The following SSH2 variants were observed in gnomAD, a reference collection of about 807,000 sequenced individuals.
SSH2 encodes protein phosphatase Slingshot homolog 2.
In SSH2, 37 loss-of-function variants were observed where a neutral mutation model predicts 135.2. The ratio of observed to expected loss-of-function variants is 0.27; its 90% CI spans 0.21 to 0.36. The LOEUF (loss-of-function observed/expected upper bound fraction) is 0.36, where lower values mean the gene tolerates loss of function less well. Ranked by LOEUF, SSH2 falls within the 10% of genes least tolerant of loss-of-function variation. The probability of loss-of-function intolerance (pLI) is 1.00; values close to 1 mark genes in which losing one functional copy is unlikely to be tolerated. For synonymous variants in SSH2, 628 were observed against 646.2 expected, an observed-to-expected ratio of 0.97 and a Z score of 0.43; for missense variants, 1,408 against 1,765.3, an observed-to-expected ratio of 0.80 and a Z score of 3.63.
chr17:29,925,505 C>T (rs538503832), intron 1 of SSH2: 60 of 398,474 alleles, frequency 1.5e-4, no homozygotes, highest in Non-Finnish European at 2.2e-4. Flanking sequence ...CCCTTGACGC[C>T]ACGAGTTCAA....
intron 3 of SSH2, among the ~76,000 whole-genome samples, chr17:29,737,610 G>A (rs1030896625): frequency 1.3e-5 from 2 of 152,292 alleles, no homozygotes; most frequent in African/African-American, 4.8e-5. Context: ...CTGCCCTTTC[G>A]TCTTCAACAA....
chr17:29,654,838 G>A (rs942330201), intron 12 of SSH2, among the ~76,000 whole-genome samples: 19 of 152,140 alleles, frequency 1.2e-4, no homozygotes, highest in African/African-American at 4.6e-4. Context: ...TCTTTAAGCA[G>A]CTTACTACAC....
chr17:29,745,253 G>A (rs2040721382), intron 3 of SSH2, among the ~76,000 whole-genome samples: 1 of 151,650 alleles, frequency 6.6e-6, no homozygotes, highest in African/African-American at 2.4e-5. Context: ...TCTGCCTCCT[G>A]GGTTCAAGCG....
intron 3 of SSH2, among the ~76,000 whole-genome samples, chr17:29,718,943 G>C (rs2039723288): frequency 6.6e-6 from 1 of 152,114 alleles, no homozygotes; most frequent in Non-Finnish European, 1.5e-5. Context: ...GGGAGAACAA[G>C]GTAGCAGAAC....
chr17:29,823,397 T>C (rs1599048546), intron 2 of SSH2, among the ~76,000 whole-genome samples: 1 of 152,176 alleles, frequency 6.6e-6, no homozygotes, highest in African/African-American at 2.4e-5. Context: ...CTTTGACCCT[T>C]GCACTGGGCT....
chr17:29,632,284 G>A lies in SSH2; in HGVS notation c.2910C>T (p.Gly970=), dbSNP rs201342995. 6.2e-7 allele frequency: 1 copy of A among 1,614,080 alleles called. No homozygotes were observed. The highest frequency in any genetic ancestry group is 8.5e-7 in the Non-Finnish European group (1 of 1,180,000). The change falls in exon 16 of 16, where the codon GGC becomes GGT. Residue 970 remains glycine (G), a synonymous_variant. Transcript: ENST00000540801. ...GKGKYSGSEA[G]SLSHSEQNAT... ...CATTCTGCTCAGAATGGGACAGTGA[G>A]CCAGCCTCAGACCCACTGTATTTCC...
At chr17:29,653,269 T>C (rs575860084) in intron 12 of SSH2, among the ~76,000 whole-genome samples, 4 of 152,354 alleles carry the variant, frequency 2.6e-5, no homozygotes, top group African/African-American at 4.8e-5. Flanking sequence ...CAGCACTATA[T>C]GTGGTTTTGT....
rs117514327 is a variant in SSH2, at chr17:29,888,587, T to G, written c.64-39658A>C. On this transcript the variant is annotated intron_variant, in intron 1 of 15. Transcript: ENST00000540801. ...GACCAAATATTTTGATGGTTTATAT[T>G]TCTACAGTATTAACAGCAACCTTAA... is the stretch of plus-strand genomic sequence containing the variant. Among the ~76,000 whole-genome samples the G allele has an allele frequency of 7.6e-3, 1,162 of 152,176 alleles. 6 individuals are homozygous for G. Among genetic ancestry groups the G allele is most frequent in the Middle Eastern group, 0.014 (4 of 294 alleles).
intron 5 of SSH2, among the ~76,000 whole-genome samples, chr17:29,686,951 A>C (rs879844360): frequency 6.6e-6 from 1 of 152,234 alleles, no homozygotes; most frequent in Non-Finnish European, 1.5e-5. Flanking sequence ...GTGGGATTAC[A>C]GGCGTGAGCC....
intron 6 of SSH2, among the ~76,000 whole-genome samples, chr17:29,680,017 A>AT (rs1345351386): frequency 6.6e-6 from 1 of 152,214 alleles, no homozygotes; most frequent in East Asian, 1.9e-4. Context: ...AGATATAGGT[A>AT]TAAAGACATA....
At chr17:29,743,226 T>C (rs1445136022) in intron 3 of SSH2, among the ~76,000 whole-genome samples, 1 of 152,206 alleles carries the variant, frequency 6.6e-6, no homozygotes, top group Non-Finnish European at 1.5e-5. Flanking sequence ...AGAAGTTCAT[T>C]TTTAAGCTGA....
At chr17:29,634,086 T>C (rs910670803) in intron 15 of SSH2, among the ~76,000 whole-genome samples, 1 of 152,240 alleles carries the variant, frequency 6.6e-6, no homozygotes, top group African/African-American at 2.4e-5. Context: ...CTGTCAGTGC[T>C]GCTACAGTCA....
chr17:29,870,580 A>G (rs1445743715), intron 1 of SSH2, among the ~76,000 whole-genome samples: 1 of 152,220 alleles, frequency 6.6e-6, no homozygotes, highest in Non-Finnish European at 1.5e-5. Context: ...TTAGCCTTTT[A>G]GCAGTAAGCA....
At position 29,813,137 on chromosome 17, in the gene SSH2, T is replaced by C. The variant is rs1194638716; in HGVS notation, c.145-19200A>G. The stretch of plus-strand genomic sequence containing the variant: ...GTGGCTCACGCCTGTAATCCCAGCA[T>C]TTTGGGAGGCTGAGGCGGGTGGATC... On this transcript the variant is annotated intron_variant, in intron 2 of 15. Coordinates refer to ENST00000540801, the MANE Select transcript of SSH2 (RefSeq NM_001282129.2). Among the ~76,000 whole-genome samples the C allele has an allele frequency of 1.7e-4, 25 of 146,730 alleles. No homozygotes were observed. The East Asian group carries it at 1.9e-3, about 11-fold the overall frequency.
At chr17:29,843,215 T>G (rs912065532) in intron 2 of SSH2, among the ~76,000 whole-genome samples, 3 of 152,126 alleles carry the variant, frequency 2.0e-5, no homozygotes, top group African/African-American at 7.2e-5. Flanking sequence ...GCTTATAATC[T>G]CTAGAGATTT....
chr17:29,660,370 G>T (rs1371640620), intron 11 of SSH2, among the ~76,000 whole-genome samples: 1 of 151,138 alleles, frequency 6.6e-6, no homozygotes, highest in African/African-American at 2.4e-5. Context: ...AGGTTCAAGC[G>T]ATTCTCCTGC....
chr17:29,655,631 T>C (rs918078059), intron 11 of SSH2, 24 bp from the exon 12 acceptor site: 3 of 1,608,882 alleles, frequency 1.9e-6, no homozygotes, highest in African/African-American at 1.3e-5. Context: ...AAGACAAGGT[T>C]AAGGAGTATT....
intron 2 of SSH2, among the ~76,000 whole-genome samples, chr17:29,814,432 CAAAAAAAAAAAA>C (rs1179862061): frequency 5.1e-5 from 2 of 39,088 alleles, no homozygotes; most frequent in Non-Finnish European, 9.0e-5. Context: ...GACTCTGTCT[CAAAAAAAAAAAA>C]AAAAAAAAAA....
rs919887576 is a variant in SSH2, at chr17:29,629,751, T to C, written c.*1090A>G. Reference sequence around the variant, plus strand: ...CAGTGATAATACCAAAAATAAAACGTTGCATTCAATGGATGTTAAACATAT... The same window carrying C: ...CAGTGATAATACCAAAAATAAAACGCTGCATTCAATGGATGTTAAACATAT... On this transcript the variant is annotated 3_prime_UTR_variant, in exon 16 of 16. Transcript: ENST00000540801. The C allele has an allele frequency of 1.3e-5, 2 of 152,402 alleles. No homozygotes were observed. The highest frequency in any genetic ancestry group is 2.9e-5 in the Non-Finnish European group (2 of 68,010). The allele number at this position is 152,402 out of a possible 1,614,324, so 9.4% of individuals were successfully genotyped here.
Sources: gnomAD v4.1 joint callset for allele counts (sites outside exome capture counted in the v4.1 genomes callset) on GRCh38, gnomAD v4.1.1 for gene constraint, MANE v1.5 for transcripts, NCBI Gene and HGNC (gene_info 2026-07-23, HGNC 2026-07-21) for gene names.